The following ENOX1 variants were observed in gnomAD, a reference collection of about 807,000 sequenced individuals.
ENOX1 encodes candidate growth-related and time keeping constitutive hydroquinone (NADH) oxidase.
Under a neutral mutation model 82.5 loss-of-function variants are expected in ENOX1, and 42 were observed. The observed-to-expected ratio is 0.51, with a 90% CI of 0.40 to 0.66. The LOEUF is 0.66. Among genes scored for constraint, ENOX1 ranks in the 30% least tolerant of loss-of-function variants. The pLI is 0.00. For missense variants in ENOX1, 608 were observed against 811.6 expected (o/e 0.75, Z 3.05); for synonymous variants, 271 against 282.2 (o/e 0.96, Z 0.40).
chr13:43,577,163 G>A (rs1371708740), intron 2 of ENOX1, among the ~76,000 whole-genome samples: 6 of 151,116 alleles, frequency 4.0e-5, no homozygotes, highest in Admixed American at 3.3e-4. Context: ...ACAGAGTCTC[G>A]CTCAGTCGCC....
intron 2 of ENOX1, among the ~76,000 whole-genome samples, chr13:43,558,457 G>C (rs2079534674): frequency 6.6e-6 from 1 of 152,214 alleles, no homozygotes; most frequent in Non-Finnish European, 1.5e-5. Flanking sequence ...GTTGGACTAA[G>C]ATTCCAGCAG....
intron 8 of ENOX1, 63 bp from the exon 9 acceptor site, chr13:43,344,813 T>C: frequency 6.5e-7 from 1 of 1,535,018 alleles, no homozygotes; most frequent in Non-Finnish European, 9.0e-7. Flanking sequence ...TTTATTCTTG[T>C]TCCTCTCAAA....
At chr13:43,610,865 T>C (rs757094247) in intron 2 of ENOX1, among the ~76,000 whole-genome samples, 6 of 152,092 alleles carry the variant, frequency 3.9e-5, no homozygotes, top group Admixed American at 2.0e-4. Context: ...TCATTGCCAA[T>C]AAATATACCT....
intron 1 of ENOX1, among the ~76,000 whole-genome samples, chr13:43,679,105 C>T (rs2085657731): frequency 6.6e-6 from 1 of 152,266 alleles, no homozygotes; most frequent in Admixed American, 6.5e-5. Context: ...TACCCTCAAC[C>T]ACTATGCTGA....
At chr13:43,419,007 G>A (rs535661490) in intron 3 of ENOX1, among the ~76,000 whole-genome samples, 104 of 152,108 alleles carry the variant, frequency 6.8e-4, no homozygotes, top group Admixed American at 2.2e-3. Context: ...GTGAAACCCC[G>A]TCTCTACTAA....
chr13:43,384,672 G>T (rs1197391668), intron 5 of ENOX1, among the ~76,000 whole-genome samples: 1 of 152,158 alleles, frequency 6.6e-6, no homozygotes, highest in East Asian at 1.9e-4. Context: ...CTGAGCAAAG[G>T]CATTCAGGAG....
intron 2 of ENOX1, among the ~76,000 whole-genome samples, chr13:43,578,103 CTT>C (rs1030367022): frequency 1.7e-4 from 26 of 152,124 alleles, no homozygotes; most frequent in Admixed American, 1.4e-3. Context: ...TTTGCTTAGA[CTT>C]TACCTGACGA....
intron 2 of ENOX1, among the ~76,000 whole-genome samples, chr13:43,608,800 A>G (rs2082078599): frequency 6.6e-6 from 1 of 152,206 alleles, no homozygotes. Flanking sequence ...GCCATTAGCC[A>G]TCAGTGAGGT....
intron 1 of ENOX1, among the ~76,000 whole-genome samples, chr13:43,732,515 G>A (rs776311749): frequency 2.5e-4 from 38 of 152,098 alleles, no homozygotes; most frequent in Non-Finnish European, 4.9e-4. Flanking sequence ...ACCAAGTAAT[G>A]GTGAGCGCCC....
rs940254083 is a variant in ENOX1, at chr13:43,274,488, C to T, written c.1447-4911G>A. 4.6e-5 allele frequency among the ~76,000 whole-genome samples: 7 copies of T among 152,318 alleles called. No homozygotes were observed. In the South Asian group the frequency reaches 1.5e-3, roughly 32 times the overall value. On this transcript the variant is annotated intron_variant, in intron 12 of 16. Coordinates refer to ENST00000690772, the MANE Select transcript of ENOX1 (RefSeq NM_001347969.2). ...TTCACAACTAGATGATTTAAGTCAGCCTTTCTGGTCTTTTTCACTTGAAAT... is the reference window on the plus strand; with the variant it reads ...TTCACAACTAGATGATTTAAGTCAGTCTTTCTGGTCTTTTTCACTTGAAAT...
chr13:43,522,079 C>T (rs2077794070), intron 2 of ENOX1, among the ~76,000 whole-genome samples: 1 of 152,048 alleles, frequency 6.6e-6, no homozygotes, highest in African/African-American at 2.4e-5. Context: ...ATGTCAGAGG[C>T]TGGTGCTCAT....
chr13:43,510,490 G>A (rs2077327136), intron 2 of ENOX1, among the ~76,000 whole-genome samples: 1 of 152,104 alleles, frequency 6.6e-6, no homozygotes, highest in Admixed American at 6.6e-5. Flanking sequence ...AATAAGTACA[G>A]GTGAAAGTGC....
intron 8 of ENOX1, among the ~76,000 whole-genome samples, chr13:43,348,880 G>T (rs142252880): frequency 1.3e-5 from 2 of 152,342 alleles, no homozygotes; most frequent in African/African-American, 4.8e-5. Context: ...GAAAGAAATT[G>T]TATGCTGAGG....
intron 1 of ENOX1, among the ~76,000 whole-genome samples, chr13:43,704,003 C>T (rs189457979): frequency 6.6e-6 from 1 of 151,662 alleles, no homozygotes; most frequent in Admixed American, 6.6e-5. Context: ...GTGAAAGACA[C>T]CAAGAATAGG....
intron 2 of ENOX1, among the ~76,000 whole-genome samples, chr13:43,612,439 T>C (rs1375792731): frequency 2.0e-5 from 3 of 152,184 alleles, no homozygotes; most frequent in Non-Finnish European, 2.9e-5. Flanking sequence ...TGAATTTTCA[T>C]TGGCAAAAAG....
chr13:43,341,166 G>A (rs1004796991), intron 9 of ENOX1, among the ~76,000 whole-genome samples: 20 of 151,962 alleles, frequency 1.3e-4, no homozygotes, highest in African/African-American at 1.9e-4. Context: ...GCGTGGTGGC[G>A]GGCGCCTGTA....
chr13:43,676,043 A>G (rs2085493050), intron 1 of ENOX1, among the ~76,000 whole-genome samples: 1 of 152,206 alleles, frequency 6.6e-6, no homozygotes, highest in Non-Finnish European at 1.5e-5. Context: ...ACCACAAGGC[A>G]TCTACTGCAC....
In ENOX1 at chr13:43,512,033, T is replaced by C. The variant is rs530763937; in HGVS notation, c.-218-27881A>G. Among the ~76,000 whole-genome samples, 14 of 152,256 alleles carry C rather than the reference T, an allele frequency of 9.2e-5. No homozygotes were observed. In the South Asian group the frequency reaches 2.7e-3, roughly 29 times the overall value. The stretch of plus-strand genomic sequence containing the variant: ...TTATACATATGCCATCCATGGATAT[T>C]ATATGTGCATAATCTACGAATACTG... On this transcript the variant is annotated intron_variant, in intron 2 of 16. Transcript: ENST00000690772.
chr13:43,331,993 G>A, intron 9 of ENOX1, among the ~76,000 whole-genome samples: 1 of 152,066 alleles, frequency 6.6e-6, no homozygotes, highest in Admixed American at 6.5e-5. Context: ...TTCAAATAGA[G>A]GAAGAAAAGG....
Sources: allele counts gnomAD v4.1 joint callset (sites outside exome capture counted in the v4.1 genomes callset), GRCh38; gene constraint gnomAD v4.1.1; transcripts MANE v1.5; gene names NCBI Gene and HGNC (gene_info 2026-07-23, HGNC 2026-07-21).